The following OLFM3 variants were observed in gnomAD, a reference collection of about 807,000 sequenced individuals.
OLFM3 encodes olfactomedin 3, also known as noelin-3.
Under a neutral mutation model 48.6 loss-of-function variants are expected in OLFM3, and 20 were observed. The observed-to-expected ratio is 0.41, with a 90% CI of 0.29 to 0.60. The LOEUF (loss-of-function observed/expected upper bound fraction) is 0.60. Ranked by LOEUF, OLFM3 falls within the 20% of genes least tolerant of loss-of-function variation. The pLI, the probability that OLFM3 is intolerant of heterozygous loss-of-function variation, is 0.28. For synonymous variants in OLFM3, 222 were observed against 198.1 expected (o/e 1.12, Z -1.01); for missense variants, 437 against 544.3 (o/e 0.80, Z 1.96).
At chr1:101,866,842 T>C (rs1471911470) in intron 1 of OLFM3, among the ~76,000 whole-genome samples, 1 of 152,214 alleles carries the variant, frequency 6.6e-6, no homozygotes, top group Non-Finnish European at 1.5e-5. Context: ...TTTCAAGTTT[T>C]ATGTGTGTGT....
chr1:101,942,015 C>T (rs950756791), intron 1 of OLFM3, among the ~76,000 whole-genome samples: 6 of 152,038 alleles, frequency 3.9e-5, no homozygotes, highest in Non-Finnish European at 8.8e-5. Context: ...AATGAGGAAG[C>T]AAGGTTCAGA....
At chr1:101,818,189 G>C (rs1170986946) in intron 4 of OLFM3, among the ~76,000 whole-genome samples, 1 of 152,054 alleles carries the variant, frequency 6.6e-6, no homozygotes, top group East Asian at 1.9e-4. Context: ...CAAACTGAAT[G>C]ACAACTTGTG....
chr1:101,992,928 A>G (rs1661456876), intron 1 of OLFM3, among the ~76,000 whole-genome samples: 1 of 152,130 alleles, frequency 6.6e-6, no homozygotes, highest in African/African-American at 2.4e-5. Flanking sequence ...TTGCTGAATC[A>G]TTGTTATATT....
intron 1 of OLFM3, among the ~76,000 whole-genome samples, chr1:101,982,841 T>C (rs1177349075): frequency 6.6e-6 from 1 of 152,148 alleles, no homozygotes; most frequent in African/African-American, 2.4e-5. Context: ...CTGGGACTTA[T>C]CCGCCTACAA....
intron 1 of OLFM3, among the ~76,000 whole-genome samples, chr1:101,955,783 A>G (rs2101076611): frequency 6.6e-6 from 1 of 152,090 alleles, no homozygotes; most frequent in Admixed American, 6.5e-5. Context: ...CAATATCTTC[A>G]GTCTTGAATG....
rs112302501 is a variant in OLFM3, at chr1:101,884,345, A to G, written c.70-47320T>C. Reference sequence around the variant, plus strand: ...AAAGAGATTGACTTTAAAAATGTCAAGATAACAGGAGAAGCAACCTCTGTT... The same window carrying G: ...AAAGAGATTGACTTTAAAAATGTCAGGATAACAGGAGAAGCAACCTCTGTT... On this transcript the variant is annotated intron_variant, in intron 1 of 5. Transcript: ENST00000370103. Among the ~76,000 whole-genome samples, 570 of 152,152 alleles carry G rather than the reference A, an allele frequency of 3.7e-3. 2 individuals are homozygous for G. The highest frequency in any genetic ancestry group is 0.013 in the African/African-American group (533 of 41,552).
In OLFM3 at chr1:101,856,201, G is replaced by A. The variant is rs112169108; in HGVS notation, c.70-19176C>T. ...TTGAAAGCTCTAGGCAGACAAATAC[G>A]GTTAAATATAAACCTCTAAAGATCT... On this transcript the variant is annotated intron_variant, in intron 1 of 5. Coordinates refer to ENST00000370103, the MANE Select transcript of OLFM3 (RefSeq NM_058170.4). 1.6e-3 allele frequency among the ~76,000 whole-genome samples: 242 copies of A among 151,956 alleles called. 1 individual carries two copies. Among genetic ancestry groups the A allele is most frequent in the African/African-American group, 4.6e-3 (189 of 41,406 alleles).
chr1:101,965,592 C>G lies in OLFM3; in HGVS notation c.69+31156G>C, dbSNP rs568796447. Among the ~76,000 whole-genome samples, 4 of 152,272 alleles carry G rather than the reference C, an allele frequency of 2.6e-5. No homozygotes were observed. The South Asian group carries it at 8.3e-4, about 32-fold the overall frequency. ...TGTAGAGTTTAGAGTCACTGGGTAT[C>G]AAACCAAGAACCATAAATATCTCAT... On this transcript the variant is annotated intron_variant, in intron 1 of 5. Transcript: ENST00000370103.
intron 1 of OLFM3, among the ~76,000 whole-genome samples, chr1:101,884,820 C>T (rs1425968629): frequency 6.6e-6 from 1 of 151,942 alleles, no homozygotes; most frequent in Non-Finnish European, 1.5e-5. Flanking sequence ...TGATATTGCA[C>T]AATGCCCCTG....
At chr1:101,902,846 A>G (rs967860056) in intron 1 of OLFM3, among the ~76,000 whole-genome samples, 2 of 152,054 alleles carry the variant, frequency 1.3e-5, no homozygotes, top group African/African-American at 4.8e-5. Flanking sequence ...ATCATTAGAG[A>G]ATGTAACTTA....
At chr1:101,948,333 A>T (rs1396072692) in intron 1 of OLFM3, among the ~76,000 whole-genome samples, 3 of 152,234 alleles carry the variant, frequency 2.0e-5, no homozygotes, top group Admixed American at 6.5e-5. Context: ...ATTTTCAGAA[A>T]ATGAGTTTTC....
intron 1 of OLFM3, among the ~76,000 whole-genome samples, chr1:101,891,516 G>A (rs1334016856): frequency 6.6e-6 from 1 of 151,818 alleles, no homozygotes; most frequent in Non-Finnish European, 1.5e-5. Context: ...CTCATAAGAA[G>A]CATGGTTTTG....
intron 1 of OLFM3, chr1:101,883,003 G>T (rs1268956452): frequency 6.6e-6 from 1 of 151,808 alleles, no homozygotes; most frequent in African/African-American, 2.4e-5. Flanking sequence ...TAGTTCCTTA[G>T]TTCAAGGCTT....
chr1:101,918,812 T>C (rs1231590877), intron 1 of OLFM3, among the ~76,000 whole-genome samples: 1 of 152,188 alleles, frequency 6.6e-6, no homozygotes, highest in East Asian at 1.9e-4. Flanking sequence ...ACATTTTAGA[T>C]GTAAACACTG....
intron 1 of OLFM3, chr1:101,859,954 T>G (rs1449029848): frequency 1.3e-5 from 2 of 152,070 alleles, no homozygotes; most frequent in African/African-American, 2.4e-5. Context: ...TTTTATATTT[T>G]TAACAAGCTC....
At chr1:101,983,669 T>G (rs1661160737) in intron 1 of OLFM3, among the ~76,000 whole-genome samples, 1 of 152,224 alleles carries the variant, frequency 6.6e-6, no homozygotes, top group African/African-American at 2.4e-5. Flanking sequence ...ACTAATTATA[T>G]TCTTCTTTAA....
intron 2 of OLFM3, among the ~76,000 whole-genome samples, chr1:101,836,132 T>G (rs1361584449): frequency 2.0e-5 from 3 of 152,168 alleles, no homozygotes; most frequent in Non-Finnish European, 4.4e-5. Flanking sequence ...CCTAATGACA[T>G]TTAGAATCCA....
chr1:101,985,530 C>T (rs1039779247), intron 1 of OLFM3, among the ~76,000 whole-genome samples: 1 of 152,206 alleles, frequency 6.6e-6, no homozygotes, highest in African/African-American at 2.4e-5. Context: ...CTACTCCCCA[C>T]TATCGGAAAC....
intron 1 of OLFM3, among the ~76,000 whole-genome samples, chr1:101,926,772 T>A (rs540594844): frequency 6.6e-6 from 1 of 152,258 alleles, no homozygotes; most frequent in East Asian, 1.9e-4. Context: ...AACTAGTTGT[T>A]TACACTTCAC....
Sources: gnomAD v4.1 joint callset for allele counts (sites outside exome capture counted in the v4.1 genomes callset) on GRCh38, gnomAD v4.1.1 for gene constraint, MANE v1.5 for transcripts, NCBI Gene and HGNC (gene_info 2026-07-23, HGNC 2026-07-21) for gene names.